The following PRKN variants were observed in gnomAD, a reference collection of about 807,000 sequenced individuals.
PRKN encodes the protein parkin RBR E3 ubiquitin protein ligase, also known as E3 ubiquitin-protein ligase parkin.
In PRKN, 56 loss-of-function variants were observed where a neutral mutation model predicts 59.5. The observed-to-expected ratio is 0.94, with a 90% CI of 0.76 to 1.18. The LOEUF (loss-of-function observed/expected upper bound fraction) is 1.18, where lower values mean the gene tolerates loss of function less well. Ranked by LOEUF, PRKN falls within the 50% of genes most tolerant of loss-of-function variation. PRKN has a pLI of 0.00. For missense variants in PRKN, 657 were observed against 596.4 expected (o/e 1.10, Z -1.06); for synonymous variants, 250 against 222.1 (o/e 1.13, Z -1.12).
At chr6:161,707,537 C>T (rs551293237) in intron 7 of PRKN, among the ~76,000 whole-genome samples, 2 of 152,122 alleles carry the variant, frequency 1.3e-5, no homozygotes, top group African/African-American at 2.4e-5. Context: ...TTTACATTTT[C>T]GACACAACAA....
At chr6:162,021,118 ACATATATATATATATATATATATAT>A (rs1783137303) in intron 5 of PRKN, among the ~76,000 whole-genome samples, 2 of 32,180 alleles carry the variant, frequency 6.2e-5, no homozygotes, top group Admixed American at 6.4e-4. Flanking sequence ...AAAAACAAAA[ACATATATATATATATATATATATAT>A]ATATATATAT....
chr6:161,810,705 T>C (rs546822057), intron 6 of PRKN, among the ~76,000 whole-genome samples: 35 of 152,324 alleles, frequency 2.3e-4, no homozygotes, highest in Admixed American at 3.9e-4. Context: ...ATTCATGTAT[T>C]TACTTCTTAT....
intron 2 of PRKN, chr6:162,270,656 T>C (rs1780340019): frequency 6.6e-6 from 1 of 152,198 alleles, no homozygotes; most frequent in African/African-American, 2.4e-5. Flanking sequence ...CCAAGAATGA[T>C]CAGACTAATT....
chr6:161,775,431 A>T (rs1471254106), intron 7 of PRKN, among the ~76,000 whole-genome samples: 1 of 152,056 alleles, frequency 6.6e-6, no homozygotes, highest in Non-Finnish European at 1.5e-5. Flanking sequence ...TTTGTAGAAA[A>T]GGGGTCTCCC....
intron 7 of PRKN, among the ~76,000 whole-genome samples, chr6:161,748,184 C>G (rs1283485560): frequency 2.0e-5 from 3 of 152,082 alleles, no homozygotes; most frequent in Non-Finnish European, 4.4e-5. Context: ...TTTGAGGATG[C>G]TTCTACAACC....
intron 6 of PRKN, among the ~76,000 whole-genome samples, chr6:161,814,040 T>C (rs1791666407): frequency 6.6e-6 from 1 of 152,196 alleles, no homozygotes; most frequent in Admixed American, 6.5e-5. Flanking sequence ...TCCTTTTATC[T>C]TATGCTCAGG....
chr6:161,859,824 A>G (rs1444761401), intron 6 of PRKN, among the ~76,000 whole-genome samples: 1 of 152,108 alleles, frequency 6.6e-6, no homozygotes, highest in Non-Finnish European at 1.5e-5. Flanking sequence ...AGAAAAATAA[A>G]TTCATATCAA....
chr6:162,489,893 C>T (rs1475347490), intron 1 of PRKN, among the ~76,000 whole-genome samples: 2 of 152,212 alleles, frequency 1.3e-5, no homozygotes, highest in Non-Finnish European at 2.9e-5. Context: ...TCCTCATTAT[C>T]CCCAATTTCC....
chr6:162,241,387 T>C (rs1778985477), intron 3 of PRKN, among the ~76,000 whole-genome samples: 1 of 152,098 alleles, frequency 6.6e-6, no homozygotes, highest in African/African-American at 2.4e-5. Context: ...AGACATAGAA[T>C]TGGCATAATA....
intron 6 of PRKN, among the ~76,000 whole-genome samples, chr6:161,812,038 A>G (rs559239585): frequency 3.9e-5 from 6 of 152,226 alleles, no homozygotes; most frequent in African/African-American, 1.2e-4. Context: ...TAAACCAAAA[A>G]ATGAACAGTA....
At chr6:162,716,786 GCACACACACACACACA>G (rs67307025) in intron 1 of PRKN, among the ~76,000 whole-genome samples, 2 of 148,730 alleles carry the variant, frequency 1.3e-5, no homozygotes, top group Admixed American at 1.3e-4. Context: ...ACACACACGC[GCACACACACACACACA>G]CACACAGACT....
At chr6:162,178,028 T>C (rs1783621247) in intron 4 of PRKN, among the ~76,000 whole-genome samples, 1 of 152,172 alleles carries the variant, frequency 6.6e-6, no homozygotes, top group South Asian at 2.1e-4. Context: ...AGGATTCTAT[T>C]TGGAGATCAT....
At chr6:162,260,244 G>A (rs1447861024) in intron 3 of PRKN, among the ~76,000 whole-genome samples, 2 of 152,124 alleles carry the variant, frequency 1.3e-5, no homozygotes, top group East Asian at 3.9e-4. Context: ...AGGGGTAAAT[G>A]AGAAACAGGG....
chr6:161,623,749 G>A (rs1465799092), intron 7 of PRKN, among the ~76,000 whole-genome samples: 4 of 152,082 alleles, frequency 2.6e-5, no homozygotes, highest in African/African-American at 7.2e-5. Context: ...TTTTGCAGAT[G>A]AGCCAAAAAT....
chr6:161,903,851 G>A (rs1778028536), intron 6 of PRKN, among the ~76,000 whole-genome samples: 1 of 150,830 alleles, frequency 6.6e-6, no homozygotes, highest in African/African-American at 2.4e-5. Context: ...CGCAGTGCTG[G>A]CCTGGCTTTG....
At chr6:161,795,949 C>T (rs1425718298) in intron 6 of PRKN, among the ~76,000 whole-genome samples, 1 of 152,020 alleles carries the variant, frequency 6.6e-6, no homozygotes, top group South Asian at 2.1e-4. Flanking sequence ...TATTAAAGTC[C>T]CAAATTCTTC....
chr6:161,828,670 GC>G (rs1792346594), intron 6 of PRKN, among the ~76,000 whole-genome samples: 1 of 152,148 alleles, frequency 6.6e-6, no homozygotes. Flanking sequence ...CTGTCTCTCA[GC>G]ACTCTGGGAG....
chr6:162,567,530 A>C (rs1236356341), intron 1 of PRKN, among the ~76,000 whole-genome samples: 1 of 152,214 alleles, frequency 6.6e-6, no homozygotes, highest in African/African-American at 2.4e-5. Context: ...TACAATAGCC[A>C]CACATAAAAT....
chr6:162,665,126 A>G (rs1236404286), intron 1 of PRKN, among the ~76,000 whole-genome samples: 1 of 152,156 alleles, frequency 6.6e-6, no homozygotes, highest in East Asian at 1.9e-4. Context: ...CCAGTACAAG[A>G]CAAGGACGCC....
Sources: allele counts gnomAD v4.1 joint callset (sites outside exome capture counted in the v4.1 genomes callset), GRCh38; gene constraint gnomAD v4.1.1; transcripts MANE v1.5; gene names NCBI Gene and HGNC (gene_info 2026-07-23, HGNC 2026-07-21).